IL1RAPL1: variants seen among roughly 807,000 people sequenced by gnomAD.
IL1RAPL1 encodes interleukin 1 receptor accessory protein like 1, also known as interleukin-1 receptor accessory protein-like 1.
A neutral mutation model predicts 48.4 loss-of-function variants in IL1RAPL1; 3 were observed. The observed-to-expected ratio is 0.06, with a 90% CI of 0.03 to 0.16. The LOEUF (loss-of-function observed/expected upper bound fraction) is 0.16. IL1RAPL1 is among the 10% of genes least tolerant of loss of function. The pLI is 1.00. For synonymous variants in IL1RAPL1, 185 were observed against 187.7 expected, an observed-to-expected ratio of 0.99 and a Z score of 0.12; for missense variants, 349 against 530.6, an observed-to-expected ratio of 0.66 and a Z score of 3.36.
At position 29,543,039 on chromosome X, in the gene IL1RAPL1, A is replaced by G. The variant is rs767880098; in HGVS notation, c.704-125391A>G. On this transcript the variant is annotated intron_variant, in intron 5 of 10. Coordinates refer to ENST00000378993, the MANE Select transcript of IL1RAPL1 (RefSeq NM_014271.4). ...GAGTTCATGTTTTCAAATATTGGCC[A>G]GTCTGTCTTTCATACAGCTGTGTCA... 6.3e-5 allele frequency among the ~76,000 whole-genome samples: 7 copies of G among 110,795 alleles called. No individual in the cohort carries two copies. The East Asian group carries it at 2.0e-3, about 31-fold the overall frequency.
At chrX:29,149,135 C>T (rs987137539) in intron 2 of IL1RAPL1, among the ~76,000 whole-genome samples, 5 of 110,804 alleles carry the variant, frequency 4.5e-5, no homozygotes, top group Non-Finnish European at 7.5e-5. Context: ...TTGTAGTAGC[C>T]ATTGGGTAAG....
chrX:28,867,562 T>C (rs1275507782), intron 2 of IL1RAPL1, among the ~76,000 whole-genome samples: 2 of 111,884 alleles, frequency 1.8e-5, no homozygotes, highest in African/African-American at 6.5e-5. Context: ...TCCTAACTTA[T>C]TCCAGAATTT....
At chrX:29,547,631 A>T (rs764198433) in intron 5 of IL1RAPL1, among the ~76,000 whole-genome samples, 3 of 111,686 alleles carry the variant, frequency 2.7e-5, no homozygotes, top group Non-Finnish European at 5.7e-5. Context: ...CTTCGGTAGC[A>T]TTATCTAAAC....
intron 5 of IL1RAPL1, among the ~76,000 whole-genome samples, chrX:29,532,807 T>C (rs1921087871): frequency 8.9e-6 from 1 of 112,203 alleles, no homozygotes; most frequent in South Asian, 3.7e-4. Flanking sequence ...GCATTTCTTA[T>C]GGAAGTTCTC....
At chrX:29,448,924 T>C (rs771935678) in intron 5 of IL1RAPL1, among the ~76,000 whole-genome samples, 3 of 111,062 alleles carry the variant, frequency 2.7e-5, no homozygotes, top group Non-Finnish European at 3.8e-5. Context: ...GACTCTGGTA[T>C]CTTTTCTTCT....
chrX:29,947,770 T>TG (rs371938484), intron 9 of IL1RAPL1, among the ~76,000 whole-genome samples: 1,274 of 87,667 alleles, frequency 0.015, 9 homozygotes, highest in African/African-American at 0.018. Flanking sequence ...TTTTTTTTGG[T>TG]GGGGGGGTGG....
intron 3 of IL1RAPL1, among the ~76,000 whole-genome samples, chrX:29,362,014 ATAT>A (rs750269382): frequency 8.9e-6 from 1 of 112,280 alleles, no homozygotes; most frequent in East Asian, 2.8e-4. Context: ...TAAAAAAGTG[ATAT>A]TATGTCAACA....
intron 1 of IL1RAPL1, among the ~76,000 whole-genome samples, chrX:28,607,645 A>G (rs1353884704): frequency 9.0e-6 from 1 of 111,454 alleles, no homozygotes; most frequent in Non-Finnish European, 1.9e-5. Flanking sequence ...CATTTTAGAA[A>G]GAATCACTTT....
intron 5 of IL1RAPL1, among the ~76,000 whole-genome samples, chrX:29,550,532 G>T (rs2147787513): frequency 9.0e-6 from 1 of 111,513 alleles, no homozygotes; most frequent in Admixed American, 9.5e-5. Flanking sequence ...CCAGACCTCT[G>T]CCCTATTAAA....
chrX:29,529,203 A>T (rs1195027174), intron 5 of IL1RAPL1, among the ~76,000 whole-genome samples: 1 of 112,007 alleles, frequency 8.9e-6, no homozygotes, highest in African/African-American at 3.2e-5. Flanking sequence ...ACCCAAATGT[A>T]GTCTATAATA....
intron 5 of IL1RAPL1, among the ~76,000 whole-genome samples, chrX:29,440,774 C>T (rs1050476907): frequency 1.8e-5 from 2 of 112,052 alleles, no homozygotes; most frequent in African/African-American, 6.5e-5. Flanking sequence ...TTAGAACATG[C>T]TTATTGCTGT....
intron 5 of IL1RAPL1, among the ~76,000 whole-genome samples, chrX:29,543,603 T>G: frequency 9.0e-6 from 1 of 110,853 alleles, no homozygotes; most frequent in East Asian, 2.8e-4. Flanking sequence ...TATATATATA[T>G]ATATAACTCA....
intron 5 of IL1RAPL1, among the ~76,000 whole-genome samples, chrX:29,600,211 G>T (rs770561378): frequency 8.9e-6 from 1 of 112,005 alleles, no homozygotes; most frequent in African/African-American, 3.2e-5. Flanking sequence ...GTCCCGCAGG[G>T]TGCTCCCTTG....
At position 28,762,778 on chromosome X, in the gene IL1RAPL1, A is replaced by ACGCGCGCG. The variant is rs200447527; in HGVS notation, c.-24-26540_-24-26533dup. On this transcript the variant is annotated intron_variant, in intron 1 of 10. Coordinates refer to ENST00000378993, the MANE Select transcript of IL1RAPL1 (RefSeq NM_014271.4). ...TGTATATATATAAAATCTAATACGC[A>ACGCGCGCG]CGCGCGCGCACACACACACACACAC... 8.0e-4 allele frequency among the ~76,000 whole-genome samples: 64 copies of ACGCGCGCG among 80,120 alleles called. 1 individual carries two copies. Among genetic ancestry groups the ACGCGCGCG allele is most frequent in the African/African-American group, 3.3e-3 (62 of 18,851 alleles). 69.6% of individuals were successfully genotyped at this position (80,120 alleles called of 115,157 possible).
At chrX:28,588,117 G>A (rs1342382527) in intron 1 of IL1RAPL1, 70 bp downstream of exon 1, 1 of 110,987 alleles carries the variant, frequency 9.0e-6, no homozygotes, top group African/African-American at 3.3e-5. Flanking sequence ...ATGGGAATGG[G>A]TGACTTGAAT....
At chrX:29,825,052 A>G (rs1930705179) in intron 6 of IL1RAPL1, among the ~76,000 whole-genome samples, 1 of 111,374 alleles carries the variant, frequency 9.0e-6, no homozygotes, top group Admixed American at 9.5e-5. Context: ...TTCTTTGTTC[A>G]GTTCTCTTTG....
At chrX:28,802,219 C>T (rs999049454) in intron 2 of IL1RAPL1, among the ~76,000 whole-genome samples, 8 of 112,337 alleles carry the variant, frequency 7.1e-5, no homozygotes, top group Non-Finnish European at 1.5e-4. Flanking sequence ...TAAGATACTT[C>T]TCCTTGCATG....
intron 2 of IL1RAPL1, among the ~76,000 whole-genome samples, chrX:28,966,532 C>G (rs1042141270): frequency 4.5e-5 from 5 of 111,458 alleles, no homozygotes; most frequent in East Asian, 2.8e-4. Context: ...AACTCTCCCC[C>G]CTCCTCTTGT....
At chrX:28,822,644 G>T (rs1936948893) in intron 2 of IL1RAPL1, among the ~76,000 whole-genome samples, 1 of 111,813 alleles carries the variant, frequency 8.9e-6, no homozygotes, top group Non-Finnish European at 1.9e-5. Context: ...TTCAGGAGGG[G>T]AAGACTTGTG....
Sources: gnomAD v4.1 joint callset for allele counts (sites outside exome capture counted in the v4.1 genomes callset) on GRCh38, gnomAD v4.1.1 for gene constraint, MANE v1.5 for transcripts, NCBI Gene and HGNC (gene_info 2026-07-23, HGNC 2026-07-21) for gene names.